ARMH3: variants seen among roughly 807,000 people sequenced by gnomAD.
The protein encoded by ARMH3 is armadillo like helical domain containing 3.
ARMH3 carries 60 observed loss-of-function variants against 99.1 expected under a neutral mutation model. The observed-to-expected ratio is 0.61, with a 90% CI of 0.49 to 0.75. The LOEUF (loss-of-function observed/expected upper bound fraction) is 0.75, where lower values mean the gene tolerates loss of function less well. Among genes scored for constraint, ARMH3 ranks in the 30% least tolerant of loss-of-function variants. ARMH3 has a pLI of 0.00. For synonymous variants in ARMH3, 285 were observed against 292.8 expected (o/e 0.97, Z 0.27); for missense variants, 679 against 843.1 (o/e 0.81, Z 2.41).
At chr10:101,993,390 G>A in intron 17 of ARMH3, 148 bp downstream of exon 17, 2 of 504,360 alleles carry the variant, frequency 4.0e-6, no homozygotes, top group South Asian at 7.6e-5. Flanking sequence ...CCAACAACAA[G>A]CATGGGTCTG....
intron 23 of ARMH3, among the ~76,000 whole-genome samples, chr10:101,894,594 C>G (rs1022536430): frequency 3.9e-5 from 6 of 152,152 alleles, no homozygotes; most frequent in Non-Finnish European, 7.3e-5. Context: ...TAAGGCACCA[C>G]GTTTATAGAT....
intron 4 of ARMH3, among the ~76,000 whole-genome samples, chr10:102,030,125 T>G (rs2067094097): frequency 6.6e-6 from 1 of 151,984 alleles, no homozygotes; most frequent in Non-Finnish European, 1.5e-5. Flanking sequence ...CTCACCATGT[T>G]GCCCAGACTG....
chr10:101,885,922 T>C (rs1455691130), intron 24 of ARMH3, among the ~76,000 whole-genome samples: 2 of 151,776 alleles, frequency 1.3e-5, no homozygotes, highest in Admixed American at 6.6e-5. Context: ...CTGAGCGTGG[T>C]GGTGGGTGCC....
chr10:101,868,699 C>A (rs890327281), intron 24 of ARMH3, among the ~76,000 whole-genome samples: 1 of 152,142 alleles, frequency 6.6e-6, no homozygotes, highest in Non-Finnish European at 1.5e-5. Context: ...ATAACATTTT[C>A]TTTCCTCTAA....
At chr10:101,887,592 CTTTTTT>C (rs34624064) in intron 24 of ARMH3, among the ~76,000 whole-genome samples, 134 of 96,874 alleles carry the variant, frequency 1.4e-3, no homozygotes, top group Non-Finnish European at 1.6e-3. Flanking sequence ...CTCTCTCTCT[CTTTTTT>C]TTTTTTTTTT....
Position 101,898,751 on chromosome 10 carries a change from C to G in ARMH3, c.1782-9261G>C, listed in dbSNP as rs546966169. ...TCTTGAAGGTTTCACCCTAAAACTA[C>G]TCTTATAAGACTACCAGATTTACAT... On this transcript the variant is annotated intron_variant, in intron 23 of 25. Coordinates refer to ENST00000370033, the MANE Select transcript of ARMH3 (RefSeq NM_024541.3). Among the ~76,000 whole-genome samples the G allele has an allele frequency of 2.6e-5, 4 of 152,344 alleles. No individual in the cohort carries two copies. In the South Asian group the frequency reaches 8.3e-4, roughly 32 times the overall value.
At chr10:101,946,857 C>T (rs1844554058) in intron 22 of ARMH3, among the ~76,000 whole-genome samples, 1 of 150,972 alleles carries the variant, frequency 6.6e-6, no homozygotes, top group African/African-American at 2.4e-5. Flanking sequence ...AGATATATTA[C>T]AATCACACTG....
intron 24 of ARMH3, 126 bp downstream of exon 24, chr10:101,889,286 C>T: frequency 1.1e-6 from 1 of 914,904 alleles, no homozygotes. Context: ...ACACTAATTC[C>T]TCTCAGCAGC....
At chr10:102,047,443 A>G (rs2067583526) in intron 1 of ARMH3, among the ~76,000 whole-genome samples, 1 of 151,820 alleles carries the variant, frequency 6.6e-6, no homozygotes, top group South Asian at 2.1e-4. Flanking sequence ...TGCCTCCTAA[A>G]TATGTAAATT....
At chr10:101,891,633 G>A (rs903573040) in intron 23 of ARMH3, among the ~76,000 whole-genome samples, 6 of 152,086 alleles carry the variant, frequency 3.9e-5, no homozygotes, top group Admixed American at 2.0e-4. Flanking sequence ...TGGAAAAACT[G>A]GTAAAATCTA....
At chr10:101,977,176 G>A (rs1002145580) in intron 19 of ARMH3, among the ~76,000 whole-genome samples, 3 of 152,132 alleles carry the variant, frequency 2.0e-5, no homozygotes, top group African/African-American at 7.2e-5. Context: ...CTACTGGACA[G>A]CATTCTGCTA....
At chr10:101,980,635 C>T (rs932862076) in intron 19 of ARMH3, among the ~76,000 whole-genome samples, 1 of 152,020 alleles carries the variant, frequency 6.6e-6, no homozygotes, top group Non-Finnish European at 1.5e-5. Flanking sequence ...TAACCCGAGA[C>T]AAAGAATATC....
chr10:101,990,389 T>G lies in ARMH3; in HGVS notation c.1406+162A>C, dbSNP rs147999513. Among the ~76,000 whole-genome samples, 1,418 of 152,194 alleles carry G rather than the reference T, an allele frequency of 9.3e-3. 18 individuals carry two copies. The highest frequency in any genetic ancestry group is 0.032 in the African/African-American group (1,346 of 41,502). On this transcript the variant is annotated intron_variant, in intron 19 of 25. Coordinates refer to ENST00000370033, the MANE Select transcript of ARMH3 (RefSeq NM_024541.3). ...TTGTAGAGACGGGGTTTCACCGTGG[T>G]CTCGATCTCCTGACCTTGTGATCCG...
intron 23 of ARMH3, among the ~76,000 whole-genome samples, chr10:101,899,630 T>C (rs758000418): frequency 2.0e-5 from 3 of 152,210 alleles, no homozygotes; most frequent in Non-Finnish European, 4.4e-5. Context: ...TCAAAGACTC[T>C]GCTGATTAAC....
intron 23 of ARMH3, among the ~76,000 whole-genome samples, chr10:101,892,568 T>C (rs1209566201): frequency 6.6e-6 from 1 of 152,112 alleles, no homozygotes; most frequent in Non-Finnish European, 1.5e-5. Flanking sequence ...TAAAGAATTA[T>C]AGAACCATTT....
Position 101,981,270 on chromosome 10 carries a change from AAC to A in ARMH3, c.1407-5972_1407-5971del, listed in dbSNP as rs546125469. 6.6e-4 allele frequency among the ~76,000 whole-genome samples: 100 copies of A among 152,304 alleles called. 1 individual carries two copies. The highest frequency in any genetic ancestry group is 1.4e-3 in the Non-Finnish European group (93 of 68,022). ...GAGGAGAAAAGAAGAAAGCAGAGAA[AAC>A]ACTACTAACCTCTCTCTGCAGAATG... On this transcript the variant is annotated intron_variant, in intron 19 of 25. Coordinates refer to ENST00000370033, the MANE Select transcript of ARMH3 (RefSeq NM_024541.3).
At chr10:101,978,991 A>T (rs1167581067) in intron 19 of ARMH3, among the ~76,000 whole-genome samples, 2 of 151,848 alleles carry the variant, frequency 1.3e-5, no homozygotes, top group African/African-American at 2.4e-5. Context: ...ATAAAAATTT[A>T]AAAATAGCTG....
At chr10:102,002,110 A>G in intron 14 of ARMH3, 38 bp from the exon 15 acceptor site, 1 of 1,609,398 alleles carries the variant, frequency 6.2e-7, no homozygotes, top group Non-Finnish European at 8.5e-7. Context: ...AGCCTGCAAC[A>G]TATTCCATCT....
intron 20 of ARMH3, among the ~76,000 whole-genome samples, chr10:101,973,631 T>C (rs914612029): frequency 2.0e-5 from 3 of 151,280 alleles, no homozygotes; most frequent in African/African-American, 4.9e-5. Context: ...AACAGGATAA[T>C]GAGGAAGAGG....
Sources: allele counts gnomAD v4.1 joint callset (sites outside exome capture counted in the v4.1 genomes callset), GRCh38; gene constraint gnomAD v4.1.1; transcripts MANE v1.5; gene names NCBI Gene and HGNC (gene_info 2026-07-23, HGNC 2026-07-21).